The following THSD7B variants were observed in gnomAD, a reference collection of about 807,000 sequenced individuals.
THSD7B encodes thrombospondin type 1 domain containing 7B.
Under a neutral mutation model 213.6 loss-of-function variants are expected in THSD7B, and 138 were observed. The ratio of observed to expected loss-of-function variants is 0.65; its 90% CI spans 0.56 to 0.74. The LOEUF (loss-of-function observed/expected upper bound fraction) is 0.74. Among genes scored for constraint, THSD7B ranks in the 30% least tolerant of loss-of-function variants. THSD7B has a pLI of 0.00. For missense variants in THSD7B, 1,931 were observed against 1,991.5 expected, an observed-to-expected ratio of 0.97 and a Z score of 0.58; for synonymous variants, 742 against 687.0, an observed-to-expected ratio of 1.08 and a Z score of -1.25.
At chr2:137,132,425 A>G (rs892523487) in intron 5 of THSD7B, among the ~76,000 whole-genome samples, 57 of 151,840 alleles carry the variant, frequency 3.8e-4, no homozygotes, top group Non-Finnish European at 7.4e-5. Flanking sequence ...GTTTATTTTT[A>G]ATAGGGGAGT....
At chr2:137,356,663 C>T (rs1418556121) in intron 12 of THSD7B, among the ~76,000 whole-genome samples, 1 of 152,062 alleles carries the variant, frequency 6.6e-6, no homozygotes, top group African/African-American at 2.4e-5. Flanking sequence ...CTGACCCCAC[C>T]TTATGAGGGG....
chr2:137,444,978 C>T (rs1185387223), intron 14 of THSD7B, among the ~76,000 whole-genome samples: 1 of 151,800 alleles, frequency 6.6e-6, no homozygotes, highest in Admixed American at 6.6e-5. Context: ...TAAAAGAAGA[C>T]ATACAAATGG....
chr2:137,410,911 A>G (rs959197897), intron 13 of THSD7B, among the ~76,000 whole-genome samples: 7 of 152,344 alleles, frequency 4.6e-5, no homozygotes, highest in African/African-American at 1.7e-4. Context: ...TCCACTAAAC[A>G]TGATTACCAA....
chr2:137,030,410 G>A (rs554165391), intron 2 of THSD7B, among the ~76,000 whole-genome samples: 19 of 152,240 alleles, frequency 1.2e-4, no homozygotes, highest in African/African-American at 4.3e-4. Context: ...CAGTAGGCAC[G>A]AGTTTAGGCT....
chr2:136,942,603 T>G (rs942479586), intron 2 of THSD7B, among the ~76,000 whole-genome samples: 2 of 152,186 alleles, frequency 1.3e-5, no homozygotes, highest in African/African-American at 4.8e-5. Context: ...TTTTATTCTC[T>G]TTGTAGCAAT....
chr2:137,164,316 A>G (rs1680077690), intron 6 of THSD7B, among the ~76,000 whole-genome samples: 1 of 152,208 alleles, frequency 6.6e-6, no homozygotes, highest in Admixed American at 6.5e-5. Context: ...AATGCAAATC[A>G]AAACCACAAT....
intron 7 of THSD7B, among the ~76,000 whole-genome samples, chr2:137,228,611 A>T (rs978298344): frequency 6.6e-6 from 1 of 152,130 alleles, no homozygotes; most frequent in Non-Finnish European, 1.5e-5. Flanking sequence ...GTATTTTCCT[A>T]CCTAACCTTT....
chr2:137,581,376 T>C (rs1172292769), intron 17 of THSD7B, among the ~76,000 whole-genome samples: 1 of 151,432 alleles, frequency 6.6e-6, no homozygotes, highest in African/African-American at 2.4e-5. Context: ...TCACCTGAGG[T>C]TGGGAGCTTG....
In THSD7B at chr2:136,927,237, C is replaced by T. The variant is rs528505758; in HGVS notation, c.139+44920C>T. ...TTCCTGCTTCTCTTTCTCTCCCTCC[C>T]GTTTTTCCCTTATCTCTACATAATT... On this transcript the variant is annotated intron_variant, in intron 2 of 27. Coordinates refer to ENST00000409968, the MANE Select transcript of THSD7B (RefSeq NM_001316349.2). Among the ~76,000 whole-genome samples, 11 of 151,176 alleles carry T rather than the reference C, an allele frequency of 7.3e-5. No individual in the cohort carries two copies. In the South Asian group the frequency reaches 1.7e-3, roughly 23 times the overall value.
chr2:137,044,975 G>A (rs1272263613), intron 2 of THSD7B, among the ~76,000 whole-genome samples: 1 of 152,134 alleles, frequency 6.6e-6, no homozygotes, highest in Non-Finnish European at 1.5e-5. Flanking sequence ...GCAACACATT[G>A]CCATCAATGG....
intron 12 of THSD7B, among the ~76,000 whole-genome samples, chr2:137,380,347 T>C (rs1685746056): frequency 6.6e-6 from 1 of 152,126 alleles, no homozygotes; most frequent in Non-Finnish European, 1.5e-5. Flanking sequence ...AGGTCAAGAA[T>C]GCATTTGTTT....
At chr2:136,999,530 G>A (rs1465703231) in intron 2 of THSD7B, among the ~76,000 whole-genome samples, 1 of 151,312 alleles carries the variant, frequency 6.6e-6, no homozygotes. Context: ...TATGAACTTG[G>A]CTGAATTCAC....
chr2:137,015,872 G>T (rs891158339), intron 2 of THSD7B, among the ~76,000 whole-genome samples: 3 of 152,134 alleles, frequency 2.0e-5, no homozygotes, highest in Non-Finnish European at 2.9e-5. Context: ...GTGGCACACA[G>T]AGCTCAGTTC....
chr2:137,525,817 G>T (rs183899774), intron 15 of THSD7B, among the ~76,000 whole-genome samples: 70 of 152,200 alleles, frequency 4.6e-4, no homozygotes, highest in Admixed American at 2.2e-3. Flanking sequence ...TAGGTAAGTG[G>T]CTATGTAACC....
chr2:137,374,535 G>C (rs1357771157), intron 12 of THSD7B, among the ~76,000 whole-genome samples: 1 of 152,134 alleles, frequency 6.6e-6, no homozygotes, highest in African/African-American at 2.4e-5. Flanking sequence ...ATTTATATTT[G>C]TTGTGGAAAA....
At chr2:137,039,829 G>T (rs1328274258) in intron 2 of THSD7B, among the ~76,000 whole-genome samples, 1 of 152,146 alleles carries the variant, frequency 6.6e-6, no homozygotes, top group African/African-American at 2.4e-5. Context: ...TCTTTGCTTT[G>T]GGTATTTGGA....
At chr2:137,225,590 G>T (rs889390296) in intron 7 of THSD7B, among the ~76,000 whole-genome samples, 1 of 152,094 alleles carries the variant, frequency 6.6e-6, no homozygotes, top group Non-Finnish European at 1.5e-5. Flanking sequence ...ACTTCTTCAT[G>T]CCTCAGGTGT....
At position 137,046,535 on chromosome 2, in the gene THSD7B, G is replaced by A. The variant is rs556846285; in HGVS notation, c.140-9885G>A. The stretch of plus-strand genomic sequence containing the variant: ...GCCTGAGGTCGGGAGTTCGAGAGCA[G>A]CCTGGCCAACATGGCGAAACACCGT... On this transcript the variant is annotated intron_variant, in intron 2 of 27. Coordinates refer to ENST00000409968, the MANE Select transcript of THSD7B (RefSeq NM_001316349.2). Among the ~76,000 whole-genome samples, 105 of 152,102 alleles carry A rather than the reference G, an allele frequency of 6.9e-4. 2 individuals carry two copies. The South Asian group carries it at 0.022, about 31-fold the overall frequency.
At chr2:136,939,808 C>T (rs892914649) in intron 2 of THSD7B, among the ~76,000 whole-genome samples, 2 of 152,158 alleles carry the variant, frequency 1.3e-5, no homozygotes, top group Non-Finnish European at 2.9e-5. Context: ...CACTGTCTAT[C>T]ACTGGAAATC....
Sources: allele counts gnomAD v4.1 joint callset (sites outside exome capture counted in the v4.1 genomes callset), GRCh38; gene constraint gnomAD v4.1.1; transcripts MANE v1.5; gene names NCBI Gene and HGNC (gene_info 2026-07-23, HGNC 2026-07-21).